SAMD4A: variants seen among roughly 807,000 people sequenced by gnomAD.
SAMD4A encodes the protein sterile alpha motif domain containing 4A, also known as protein Smaug homolog 1.
A neutral mutation model predicts 81.3 loss-of-function variants in SAMD4A; 33 were observed. The observed-to-expected ratio is 0.41, with a 90% CI of 0.31 to 0.54. The LOEUF (loss-of-function observed/expected upper bound fraction) is 0.54, where lower values mean the gene tolerates loss of function less well. Ranked by LOEUF, SAMD4A falls within the 20% of genes least tolerant of loss-of-function variation. SAMD4A has a pLI of 0.37. For missense variants in SAMD4A, 854 were observed against 951.1 expected (o/e 0.90, Z 1.34); for synonymous variants, 389 against 382.1 (o/e 1.02, Z -0.21).
In SAMD4A at chr14:54,727,695, C is replaced by G. The variant is rs570630382; in HGVS notation, c.716-9329C>G. ...TACTGTATTTGTGTCTGTGTATGAC[C>G]ATGAAAAGGCCACGAGTATTGACTC... On this transcript the variant is annotated intron_variant, in intron 3 of 12. Transcript: ENST00000554335. 2.0e-5 allele frequency among the ~76,000 whole-genome samples: 3 copies of G among 152,186 alleles called. No homozygotes were observed. In the East Asian group the frequency reaches 5.8e-4, roughly 29 times the overall value.
Position 54,692,196 on chromosome 14 carries a change from G to T in SAMD4A, c.197-9866G>T, listed in dbSNP as rs72660230. ...GGACCCAGTGACTTCACAGTTCACA[G>T]TCATGTAAAGATATAGAATGGCTCC... On this transcript the variant is annotated intron_variant, in intron 2 of 12. Transcript: ENST00000554335. Among the ~76,000 whole-genome samples, 228 of 152,316 alleles carry T rather than the reference G, an allele frequency of 1.5e-3. 1 individual carries two copies. The highest frequency in any genetic ancestry group is 5.3e-3 in the African/African-American group (221 of 41,566).
At position 54,793,274 on chromosome 14, in the gene SAMD4A, G is replaced by A. The variant is rs1266697804; in HGVS notation, c.*4330G>A. 2 of 152,100 alleles carry A rather than the reference G, an allele frequency of 1.3e-5. No individual in the cohort carries two copies. The highest frequency in any genetic ancestry group is 2.9e-5 in the Non-Finnish European group (2 of 68,022). The allele number at this position is 152,100 out of a possible 1,614,324, so 9.4% of individuals were successfully genotyped here. A position where few individuals can be genotyped will look rare whatever the true frequency, so the allele number is the denominator to read the frequency against. ...CTATATTTCATATCAACGTTATATT[G>A]AAAGTGAAGGGAAATGATTAATACA... On this transcript the variant is annotated 3_prime_UTR_variant, in exon 13 of 13. Coordinates refer to ENST00000554335, the MANE Select transcript of SAMD4A (RefSeq NM_015589.6).
At chr14:54,621,820 C>T (rs1337248258) in intron 2 of SAMD4A, among the ~76,000 whole-genome samples, 3 of 152,126 alleles carry the variant, frequency 2.0e-5, no homozygotes, top group Non-Finnish European at 4.4e-5. Flanking sequence ...GCAAAATCTT[C>T]TGGTTTTGTA....
At chr14:54,588,711 G>A (rs2033691960) in intron 2 of SAMD4A, among the ~76,000 whole-genome samples, 1 of 151,884 alleles carries the variant, frequency 6.6e-6, no homozygotes, top group Non-Finnish European at 1.5e-5. Context: ...ATATATTTAT[G>A]GTCTAGTAGT....
intron 8 of SAMD4A, among the ~76,000 whole-genome samples, chr14:54,765,807 A>AAGTTCTCACTC (rs966177632): frequency 6.7e-6 from 1 of 148,708 alleles, no homozygotes; most frequent in African/African-American, 2.6e-5. Context: ...TGTGCTATCG[A>AAGTTCTCACTC]AGTTCTCACG....
Position 54,760,361 on chromosome 14 carries a change from C to T in SAMD4A, c.1377C>T (p.Ala459=), listed in dbSNP as rs1253202376. ...AAGATGGGGCCGCAGCCACTGGCGC[C>T]ACGGCCACCCCCTCGGCCGGGGCCA... ...DCKDGAAATG[A]TATPSAGASG... The change falls in exon 7 of 13, where the codon GCC becomes GCT. Residue 459 remains alanine, a synonymous_variant. Coordinates refer to ENST00000554335, the MANE Select transcript of SAMD4A (RefSeq NM_015589.6). 1 of 1,576,420 alleles carries T rather than the reference C, an allele frequency of 6.3e-7. No individual in the cohort carries two copies. Among genetic ancestry groups the T allele is most frequent in the Middle Eastern group, 1.7e-4 (1 of 5,954 alleles).
chr14:54,739,055 CTTTTT>C (rs3051648), intron 4 of SAMD4A, among the ~76,000 whole-genome samples: 5 of 97,346 alleles, frequency 5.1e-5, no homozygotes, highest in South Asian at 3.6e-4. Context: ...CTTTCCTTTT[CTTTTT>C]TTTTTTTTTT....
intron 3 of SAMD4A, among the ~76,000 whole-genome samples, chr14:54,732,918 A>C (rs1166312179): frequency 6.6e-6 from 1 of 152,244 alleles, no homozygotes; most frequent in Non-Finnish European, 1.5e-5. Context: ...ATTTCAATAA[A>C]TAAAATCGAG....
intron 3 of SAMD4A, among the ~76,000 whole-genome samples, chr14:54,710,611 C>A (rs2036964879): frequency 6.6e-6 from 1 of 152,134 alleles, no homozygotes; most frequent in Non-Finnish European, 1.5e-5. Flanking sequence ...TTTTCTCTGA[C>A]CCTGGATTTG....
intron 2 of SAMD4A, among the ~76,000 whole-genome samples, chr14:54,583,246 G>A (rs370019488): frequency 8.5e-5 from 13 of 152,278 alleles, no homozygotes; most frequent in East Asian, 5.8e-4. Flanking sequence ...AGAAATTACA[G>A]GAACCCCAGC....
intron 6 of SAMD4A, among the ~76,000 whole-genome samples, chr14:54,755,521 C>T (rs1447703020): frequency 2.0e-5 from 3 of 152,142 alleles, no homozygotes; most frequent in Admixed American, 6.5e-5. Context: ...AGGCTATGCT[C>T]GCCCAGAAGG....
chr14:54,741,271 C>T (rs190899710), intron 4 of SAMD4A, among the ~76,000 whole-genome samples: 6 of 152,312 alleles, frequency 3.9e-5, no homozygotes, highest in Middle Eastern at 6.8e-3. Context: ...AGAGAAAAGA[C>T]GTTCTCTTAA....
chr14:54,779,083 CCTCATCCTGGATTCAGAGCCGCTTCTG>C (rs2038934381), intron 11 of SAMD4A, among the ~76,000 whole-genome samples: 1 of 151,748 alleles, frequency 6.6e-6, no homozygotes, highest in South Asian at 2.1e-4. Flanking sequence ...GAGTCAGGGT[CCTCATCCTGGATTCAGAGCCGCTTCTG>C]CTCTTCCTGG....
chr14:54,628,231 G>T (rs2034811851), intron 2 of SAMD4A, among the ~76,000 whole-genome samples: 1 of 152,104 alleles, frequency 6.6e-6, no homozygotes, highest in African/African-American at 2.4e-5. Context: ...ATCACAGAAG[G>T]TGGGAGGACT....
At chr14:54,667,102 T>A (rs973689739) in intron 2 of SAMD4A, among the ~76,000 whole-genome samples, 2 of 152,142 alleles carry the variant, frequency 1.3e-5, no homozygotes, top group Non-Finnish European at 2.9e-5. Flanking sequence ...CAGAAGCACC[T>A]ATTTAATTTT....
intron 2 of SAMD4A, among the ~76,000 whole-genome samples, chr14:54,569,235 T>A (rs1361159670): frequency 6.6e-6 from 1 of 152,078 alleles, no homozygotes; most frequent in Non-Finnish European, 1.5e-5. Flanking sequence ...TCCAGGGCAG[T>A]GGGGCCTGGG....
At chr14:54,769,213 T>G (rs1405736695) in intron 8 of SAMD4A, among the ~76,000 whole-genome samples, 1 of 152,182 alleles carries the variant, frequency 6.6e-6, no homozygotes. Flanking sequence ...CCAGGGCACT[T>G]GGTACAAACA....
At chr14:54,632,067 G>A (rs932069814) in intron 2 of SAMD4A, among the ~76,000 whole-genome samples, 1 of 152,134 alleles carries the variant, frequency 6.6e-6, no homozygotes, top group Admixed American at 6.5e-5. Context: ...GTGGGGTCTA[G>A]TGAGCTTACA....
At chr14:54,584,657 A>G (rs1211769) in intron 2 of SAMD4A, among the ~76,000 whole-genome samples, 12,766 of 152,290 alleles carry the variant, frequency 0.084, 635 homozygotes, top group Middle Eastern at 0.14. Flanking sequence ...ACGATCTTTC[A>G]GTTCCTGCCC....
Sources: allele counts gnomAD v4.1 joint callset (sites outside exome capture counted in the v4.1 genomes callset), GRCh38; gene constraint gnomAD v4.1.1; transcripts MANE v1.5; gene names NCBI Gene and HGNC (gene_info 2026-07-23, HGNC 2026-07-21).